The following DAPK3 variants were observed in gnomAD, a reference collection of about 807,000 sequenced individuals.
DAPK3 encodes death associated protein kinase 3.
A neutral mutation model predicts 30.6 loss-of-function variants in DAPK3; 24 were observed. The ratio of observed to expected loss-of-function variants is 0.78; its 90% CI spans 0.57 to 1.10. The LOEUF (loss-of-function observed/expected upper bound fraction) is 1.10. Ranked by LOEUF, DAPK3 falls within the 50% of genes least tolerant of loss-of-function variation. The pLI is 0.00. For missense variants in DAPK3, 629 were observed against 657.3 expected (o/e 0.96, Z 0.47); for synonymous variants, 341 against 284.0 (o/e 1.20, Z -2.02).
In DAPK3 at chr19:3,964,653, C is replaced by T. The variant is rs770995408; in HGVS notation, c.401G>A (p.Arg134His). 1.4e-5 allele frequency: 21 copies of T among 1,517,878 alleles called. No homozygotes were observed. Among genetic ancestry groups the T allele is most frequent in the Admixed American group, 8.8e-5 (5 of 56,776 alleles). The allele number at this position is 1,517,878 out of a possible 1,614,324, so 94.0% of individuals were successfully genotyped here. The change falls in exon 3 of 9, where the codon CGC becomes CAC. Residue 134 changes from arginine (R) to histidine (H), a missense_variant. By Grantham distance (29) the Arg-to-His change is conservative. This residue lies in a region of DAPK3 where 306 missense variants were observed against 378.5 expected (regional missense o/e 0.81). Coordinates refer to ENST00000545797, the MANE Select transcript of DAPK3 (RefSeq NM_001348.3). ...LDGVHYLHSK[R>H]IAHFDLKPEN... ...CACCTTCAGGTCAAAGTGTGCGATG[C>T]GCTTAGAGTGCAGGTAGTGAACGCC...
rs373345702 is a variant in DAPK3, at chr19:3,963,017, G to A, written c.629+626C>T. On this transcript the variant is annotated intron_variant, in intron 6 of 8. Transcript: ENST00000545797. ...CTCAGGAGACTGAGGCAGGAGAATC[G>A]CTTGAACCTGGGAGGTGGGGGTTGC... Among the ~76,000 whole-genome samples the A allele has an allele frequency of 5.9e-5, 9 of 151,970 alleles. No individual in the cohort carries two copies. In the East Asian group the frequency reaches 7.7e-4, roughly 13 times the overall value.
chr19:3,959,788 G>A (rs1471232549), intron 8 of DAPK3, 151 bp from the exon 9 acceptor site: 1 of 942,704 alleles, frequency 1.1e-6, no homozygotes, highest in Non-Finnish European at 1.5e-6. Context: ...GCAAAGCCGA[G>A]AGTGCTCTCT....
In DAPK3 at chr19:3,961,006, T is replaced by A. The variant is rs931138316; in HGVS notation, c.782+3A>T. On this transcript the variant is annotated splice_donor_region_variant and intron_variant, in intron 7 of 8. Transcript: ENST00000545797. ...CCCCGTGCCCCCTGCCGGCCCCTCG[T>A]ACTTGGGATCTTTGACGAGCAGCCG... 2 of 1,612,940 alleles carry A rather than the reference T, an allele frequency of 1.2e-6. No homozygotes were observed. Among genetic ancestry groups the A allele is most frequent in the Admixed American group, 1.7e-5 (1 of 59,938 alleles).
At chr19:3,964,604 G>A (rs376775952) in intron 3 of DAPK3, 27 bp downstream of exon 3, 33 of 922,692 alleles carry the variant, frequency 3.6e-5, no homozygotes, top group South Asian at 6.9e-5. Context: ...TGGCCAGGCC[G>A]GCCCCACAGG....
rs527686659 is a variant in DAPK3 at position 3,969,915 on chromosome 19, A to G, written c.-94-86T>C. ...TAATGGACAGACCTGTCCAGCAAAC[A>G]CAAGCCTCCCACCTCTCCACTCTGA... On this transcript the variant is annotated intron_variant, in intron 1 of 8. Transcript: ENST00000545797. 5.1e-6 allele frequency: 3 copies of G among 590,828 alleles called. No individual in the cohort carries two copies. In the South Asian group the frequency reaches 6.2e-5, roughly 12 times the overall value. The allele number at this position is 590,828 out of a possible 1,614,324, so 36.6% of individuals were successfully genotyped here.
Position 3,970,952 on chromosome 19 carries a change from T to C in DAPK3, c.-126A>G, listed in dbSNP as rs10401641. ...CTCAGATTCTCTCCCTCCCTCGTCC[T>C]CCGCGGGCCCCCGAAGCGCCGCTCT... On this transcript the variant is annotated 5_prime_UTR_variant, in exon 1 of 9. Transcript: ENST00000545797. The C allele has an allele frequency of 0.033, 5,036 of 153,040 alleles. 274 individuals are homozygous for C. The highest frequency in any genetic ancestry group is 0.11 in the African/African-American group (4,761 of 41,496). 9.5% of individuals were successfully genotyped at this position (153,040 alleles called of 1,614,324 possible).
chr19:3,968,610 G>A (rs1473155201), intron 2 of DAPK3, among the ~76,000 whole-genome samples: 1 of 152,130 alleles, frequency 6.6e-6, no homozygotes, highest in African/African-American at 2.4e-5. Flanking sequence ...AAGAAATTTG[G>A]CTGAATTTTG....
At position 3,964,711 on chromosome 19, in the gene DAPK3, C is replaced by T. The variant is rs1181116211; in HGVS notation, c.343G>A (p.Glu115Lys). Reference protein sequence around the residue: ...LAEKESLTEDEATQFLKQILD... With the variant: ...LAEKESLTEDKATQFLKQILD... Reference sequence around the variant, plus strand: ...ATCTGCTTGAGGAACTGGGTGGCCTCGTCCTCCGTCAGCGACTCCTTCTCC... The same window carrying T: ...ATCTGCTTGAGGAACTGGGTGGCCTTGTCCTCCGTCAGCGACTCCTTCTCC... The change falls in exon 3 of 9, where the codon GAG becomes AAG. Residue 115 changes from glutamate to lysine, a missense_variant. Coordinates refer to ENST00000545797, the MANE Select transcript of DAPK3 (RefSeq NM_001348.3). 11 of 1,612,544 alleles carry T rather than the reference C, an allele frequency of 6.8e-6. No homozygotes were observed. The highest frequency in any genetic ancestry group is 9.3e-6 in the Non-Finnish European group (11 of 1,179,566).
chr19:3,960,043 C>G lies in DAPK3; in HGVS notation c.828+16G>C. ...AAGGCGGGAAGCCCAGGGAGCTCCC[C>G]CACCTCCCCACTTACCTTAATCCAG... is the stretch of plus-strand genomic sequence containing the variant. On this transcript the variant is annotated intron_variant, in intron 8 of 8. Coordinates refer to ENST00000545797, the MANE Select transcript of DAPK3 (RefSeq NM_001348.3). The G allele has an allele frequency of 6.9e-7, 1 of 1,441,726 alleles. No individual in the cohort carries two copies. The highest frequency in any genetic ancestry group is 9.8e-7 in the Non-Finnish European group (1 of 1,023,710). The allele number at this position is 1,441,726 out of a possible 1,614,324, so 89.3% of individuals were successfully genotyped here. A position where few individuals can be genotyped will look rare whatever the true frequency, so the allele number is the denominator to read the frequency against.
chr19:3,965,483 T>C (rs948830858), intron 2 of DAPK3, among the ~76,000 whole-genome samples: 4 of 152,074 alleles, frequency 2.6e-5, no homozygotes, highest in African/African-American at 9.7e-5. Context: ...CTGGGTGTGG[T>C]GGCGGGTGCC....
chr19:3,964,997 G>A lies in DAPK3; in HGVS notation c.63-6C>T. The A allele has an allele frequency of 1.3e-6, 2 of 1,563,048 alleles. No homozygotes were observed. Among genetic ancestry groups the A allele is most frequent in the Non-Finnish European group, 1.8e-6 (2 of 1,140,844 alleles). On this transcript the variant is annotated splice_polypyrimidine_tract_variant and splice_region_variant and intron_variant, in intron 2 of 8. Coordinates refer to ENST00000545797, the MANE Select transcript of DAPK3 (RefSeq NM_001348.3). ...GCACGATCGCAAACTGGCCGCTGGA[G>A]GAGGGGGAGGGAGTGAGTGGGGGTG...
chr19:3,967,558 C>G (rs754010423), intron 2 of DAPK3, among the ~76,000 whole-genome samples: 1 of 152,178 alleles, frequency 6.6e-6, no homozygotes, highest in African/African-American at 2.4e-5. Context: ...AGTTCAAGAC[C>G]AGCCTGGCCA....
At chr19:3,964,132 C>A in intron 4 of DAPK3, 112 bp downstream of exon 4, 1 of 1,039,942 alleles carries the variant, frequency 9.6e-7, no homozygotes, top group Non-Finnish European at 1.4e-6. Context: ...AGAGGGGTGG[C>A]TTCAGGGCCG....
intron 7 of DAPK3, 47 bp from the exon 8 acceptor site, chr19:3,960,151 G>A (rs201353777): frequency 3.4e-5 from 37 of 1,096,140 alleles, no homozygotes; most frequent in African/African-American, 1.1e-4. Flanking sequence ...CATCTGTCCC[G>A]TCCTCCCGTG....
Position 3,960,039 on chromosome 19 carries a change from TC to T in DAPK3, c.828+19del. ...GGCCAAGGCGGGAAGCCCAGGGAGCTCCCCCACCTCCCCACTTACCTTAATC... is the reference window on the plus strand; with the variant it reads ...GGCCAAGGCGGGAAGCCCAGGGAGCTCCCCACCTCCCCACTTACCTTAATC... On this transcript the variant is annotated intron_variant, in intron 8 of 8. Transcript: ENST00000545797. 2.8e-6 allele frequency: 4 copies of T among 1,409,642 alleles called. No homozygotes were observed. Among genetic ancestry groups the T allele is most frequent in the Non-Finnish European group, 4.0e-6 (4 of 995,564 alleles). The allele number at this position is 1,409,642 out of a possible 1,614,324, so 87.3% of individuals were successfully genotyped here.
At chr19:3,968,981 G>A (rs185288133) in intron 2 of DAPK3, among the ~76,000 whole-genome samples, 3 of 152,232 alleles carry the variant, frequency 2.0e-5, no homozygotes, top group Admixed American at 1.3e-4. Flanking sequence ...CTCCCTGGAA[G>A]AGGAAACCTC....
At position 3,969,711 on chromosome 19, in the gene DAPK3, C is replaced by A; in HGVS notation, c.25G>T (p.Val9Leu). 1.2e-6 allele frequency: 2 copies of A among 1,612,298 alleles called. No homozygotes were observed. Among genetic ancestry groups the A allele is most frequent in the Non-Finnish European group, 1.7e-6 (2 of 1,179,110 alleles). ...TCCCCCATCTCATAATGGTCCTCCA[C>A]GTCCTCCTGCCTGAACGTGGACATG... MSTFRQED[V>L]EDHYEMGEEL... Residue 9 changes from valine (V) to leucine (L), a missense_variant, in exon 2 of 9, where the codon GTG becomes TTG. By Grantham distance (32) the Val-to-Leu change is conservative. This residue lies in a region of DAPK3 where 306 missense variants were observed against 378.5 expected (regional missense o/e 0.81). Coordinates refer to ENST00000545797, the MANE Select transcript of DAPK3 (RefSeq NM_001348.3).
intron 6 of DAPK3, chr19:3,961,719 G>C (rs1211636401): frequency 8.6e-6 from 3 of 347,430 alleles, no homozygotes; most frequent in East Asian, 1.5e-4. Context: ...GCACAAGTCA[G>C]GGTCAAGGTC....
In DAPK3 at chr19:3,964,554, G is replaced by T. The variant is rs920720996; in HGVS notation, c.423+77C>A. The T allele has an allele frequency of 5.6e-6, 8 of 1,438,478 alleles. No individual in the cohort carries two copies. The African/African-American group carries it at 8.7e-5, about 16-fold the overall frequency. 89.1% of individuals were successfully genotyped at this position (1,438,478 alleles called of 1,614,324 possible). ...CACCTCACCCCCACGCGCAGGAGGTGCCTTCCAGGCTCTTCCCCGCCCCAT... is the reference window on the plus strand; with the variant it reads ...CACCTCACCCCCACGCGCAGGAGGTTCCTTCCAGGCTCTTCCCCGCCCCAT... On this transcript the variant is annotated intron_variant, in intron 3 of 8. Transcript: ENST00000545797.
Sources: allele counts gnomAD v4.1 joint callset (sites outside exome capture counted in the v4.1 genomes callset), GRCh38; gene constraint gnomAD v4.1.1; regional missense constraint gnomAD v4.1.1; transcripts MANE v1.5; gene names NCBI Gene and HGNC (gene_info 2026-07-23, HGNC 2026-07-21).